The following PRDM5 variants were observed in gnomAD, a reference collection of about 807,000 sequenced individuals.
The protein encoded by PRDM5 is PR domain zinc finger protein 5.
Under a neutral mutation model 81.2 loss-of-function variants are expected in PRDM5, and 56 were observed. The observed-to-expected ratio is 0.69, with a 90% CI of 0.56 to 0.86. PRDM5 has a LOEUF of 0.86. Among genes scored for constraint, PRDM5 ranks in the 40% least tolerant of loss-of-function variants. The pLI, the probability that PRDM5 is intolerant of heterozygous loss-of-function variation, is 0.00. For synonymous variants in PRDM5, 267 were observed against 256.4 expected, an observed-to-expected ratio of 1.04 and a Z score of -0.39; for missense variants, 697 against 770.1, an observed-to-expected ratio of 0.91 and a Z score of 1.12.
chr4:120,917,248 T>C (rs1283145884), intron 1 of PRDM5, among the ~76,000 whole-genome samples: 2 of 152,186 alleles, frequency 1.3e-5, no homozygotes, highest in East Asian at 1.9e-4. Context: ...CTGCCTCTTC[T>C]GCACTTAGAA....
intron 14 of PRDM5, among the ~76,000 whole-genome samples, chr4:120,718,726 T>C (rs573127075): frequency 6.6e-6 from 1 of 152,356 alleles, no homozygotes; most frequent in Non-Finnish European, 1.5e-5. Context: ...ATTTCTTAAA[T>C]ATGAAATTTC....
chr4:120,878,413 T>G (rs1246783010), intron 2 of PRDM5, among the ~76,000 whole-genome samples: 1 of 152,188 alleles, frequency 6.6e-6, no homozygotes, highest in Admixed American at 6.5e-5. Flanking sequence ...AATTAACTTT[T>G]CAAAATGAAT....
intron 13 of PRDM5, among the ~76,000 whole-genome samples, chr4:120,773,366 G>A (rs1192524035): frequency 2.0e-5 from 3 of 152,134 alleles, no homozygotes; most frequent in Non-Finnish European, 4.4e-5. Context: ...GCTCCCAAGT[G>A]CTTGAAGGCT....
intron 14 of PRDM5, among the ~76,000 whole-genome samples, chr4:120,713,167 T>C (rs1022397720): frequency 6.6e-6 from 1 of 152,188 alleles, no homozygotes; most frequent in African/African-American, 2.4e-5. Flanking sequence ...TATTGGAAAA[T>C]AGAACCTTTT....
intron 2 of PRDM5, among the ~76,000 whole-genome samples, chr4:120,865,321 A>G (rs1456324227): frequency 6.6e-6 from 1 of 152,192 alleles, no homozygotes; most frequent in African/African-American, 2.4e-5. Flanking sequence ...TCTGAGAAAA[A>G]CATATGGCCT....
chr4:120,845,794 T>C (rs1758586843), intron 3 of PRDM5, among the ~76,000 whole-genome samples: 1 of 152,208 alleles, frequency 6.6e-6, no homozygotes, highest in Non-Finnish European at 1.5e-5. Flanking sequence ...CAAAGTAAAT[T>C]GAAAACCTTC....
chr4:120,908,475 T>C (rs988463644), intron 1 of PRDM5, among the ~76,000 whole-genome samples: 4 of 152,168 alleles, frequency 2.6e-5, no homozygotes, highest in African/African-American at 9.7e-5. Flanking sequence ...GGAGAAAAGA[T>C]AACCACTAAG....
intron 3 of PRDM5, among the ~76,000 whole-genome samples, chr4:120,823,438 T>C (rs1755551760): frequency 6.6e-6 from 1 of 152,196 alleles, no homozygotes. Flanking sequence ...TAAAGAGGAA[T>C]ATAGTTACAG....
intron 2 of PRDM5, among the ~76,000 whole-genome samples, chr4:120,867,895 C>G (rs1165594551): frequency 6.6e-6 from 1 of 152,212 alleles, no homozygotes; most frequent in African/African-American, 2.4e-5. Context: ...ACTCTAATGA[C>G]AAGCAAACTG....
chr4:120,765,454 G>C (rs1316513270), intron 13 of PRDM5, among the ~76,000 whole-genome samples: 1 of 152,150 alleles, frequency 6.6e-6, no homozygotes, highest in Non-Finnish European at 1.5e-5. Flanking sequence ...GGATTCCCTT[G>C]CTGAATTAAC....
chr4:120,730,115 T>C (rs1740034126), intron 14 of PRDM5, among the ~76,000 whole-genome samples: 3 of 152,212 alleles, frequency 2.0e-5, no homozygotes. Context: ...GATAAGCTAA[T>C]TTCCAGTCTT....
chr4:120,803,016 C>A (rs1408729078), intron 8 of PRDM5, among the ~76,000 whole-genome samples: 1 of 152,010 alleles, frequency 6.6e-6, no homozygotes, highest in African/African-American at 2.4e-5. Flanking sequence ...CCTTAAATGA[C>A]CTGATGGAGC....
At chr4:120,916,740 T>C (rs945200642) in intron 1 of PRDM5, among the ~76,000 whole-genome samples, 5 of 152,208 alleles carry the variant, frequency 3.3e-5, no homozygotes, top group Non-Finnish European at 7.3e-5. Flanking sequence ...ATCTCAGTTG[T>C]TGGCTGACAA....
chr4:120,890,306 A>G (rs575081560), intron 2 of PRDM5, among the ~76,000 whole-genome samples: 3 of 152,306 alleles, frequency 2.0e-5, no homozygotes, highest in African/African-American at 7.2e-5. Context: ...AGATCTCAGG[A>G]GAACTCACTA....
rs531559096 is a variant in PRDM5, at chr4:120,787,756, A to G, written c.1189-2665T>C. On this transcript the variant is annotated intron_variant, in intron 10 of 15. Transcript: ENST00000264808. ...GATATGCAGAAGAGCAGCAAGAAACAAGTCTGAGTAAAACATCAGGGGTTC... is the reference window on the plus strand; with the variant it reads ...GATATGCAGAAGAGCAGCAAGAAACGAGTCTGAGTAAAACATCAGGGGTTC... Among the ~76,000 whole-genome samples the G allele has an allele frequency of 4.6e-5, 7 of 152,280 alleles. No homozygotes were observed. The South Asian group carries it at 6.2e-4, about 14-fold the overall frequency.
In PRDM5 at chr4:120,890,428, A is replaced by G. The variant is rs967584521; in HGVS notation, c.177+17046T>C. 1.8e-4 allele frequency among the ~76,000 whole-genome samples: 28 copies of G among 152,210 alleles called. 2 individuals carry two copies. Among genetic ancestry groups the G allele is most frequent in the Non-Finnish European group, 1.0e-4 (7 of 68,032 alleles). ...TCCAATTGGGAAATCACAAATTGAC[A>G]TGATTTGGGTAGGAACGTATATCTA... On this transcript the variant is annotated intron_variant, in intron 2 of 15. Transcript: ENST00000264808.
intron 8 of PRDM5, among the ~76,000 whole-genome samples, chr4:120,809,972 G>A (rs1158677122): frequency 1.3e-5 from 2 of 152,094 alleles, no homozygotes; most frequent in African/African-American, 4.8e-5. Flanking sequence ...ACCCCCAGAT[G>A]GGACTGTCTA....
At chr4:120,876,143 C>G (rs1298326933) in intron 2 of PRDM5, among the ~76,000 whole-genome samples, 1 of 152,154 alleles carries the variant, frequency 6.6e-6, no homozygotes, top group African/African-American at 2.4e-5. Flanking sequence ...ACAAAACACT[C>G]ACACCTCAAA....
chr4:120,842,820 C>T (rs776437724), intron 3 of PRDM5, among the ~76,000 whole-genome samples: 1 of 152,084 alleles, frequency 6.6e-6, no homozygotes, highest in African/African-American at 2.4e-5. Context: ...CTATTACAAC[C>T]AAAAGCCCCA....
Sources: allele counts gnomAD v4.1 joint callset (sites outside exome capture counted in the v4.1 genomes callset), GRCh38; gene constraint gnomAD v4.1.1; transcripts MANE v1.5; gene names NCBI Gene and HGNC (gene_info 2026-07-23, HGNC 2026-07-21).